Variants in HIKESHI observed in about 807,000 individuals in gnomAD.
HIKESHI encodes the protein heat shock protein nuclear import factor hikeshi, also known as protein Hikeshi.
Under a neutral mutation model 25.7 loss-of-function variants are expected in HIKESHI, and 13 were observed. That is an observed-to-expected ratio of 0.51 (90% CI 0.33 to 0.80). HIKESHI has a LOEUF of 0.80. HIKESHI is among the 30% of genes least tolerant of loss of function. The pLI, the probability that HIKESHI is intolerant of heterozygous loss-of-function variation, is 0.02. For synonymous variants in HIKESHI, 76 were observed against 78.7 expected, an observed-to-expected ratio of 0.97 and a Z score of 0.18; for missense variants, 174 against 229.5, an observed-to-expected ratio of 0.76 and a Z score of 1.56.
intron 1 of HIKESHI, among the ~76,000 whole-genome samples, chr11:86,304,876 CAGCA>C (rs1395556813): frequency 7.9e-5 from 12 of 152,126 alleles, no homozygotes; most frequent in African/African-American, 2.9e-4. Context: ...TGCAGAAATG[CAGCA>C]AGCATTGATT....
At chr11:86,303,406 TGTCTCTTGAATGACTGGGA>T in intron 1 of HIKESHI, 1 of 984,240 alleles carries the variant, frequency 1.0e-6, no homozygotes, top group Non-Finnish European at 1.2e-6. Context: ...TCATAAAGTT[TGTCTCTTGAATGACTGGGA>T]GACCCCTGTG....
intron 2 of HIKESHI, among the ~76,000 whole-genome samples, chr11:86,323,162 C>T (rs541440770): frequency 6.6e-6 from 1 of 151,666 alleles, no homozygotes; most frequent in East Asian, 1.9e-4. Flanking sequence ...GCCCAGGAGG[C>T]AGAGGTTACA....
chr11:86,315,196 A>G (rs1417039972), intron 2 of HIKESHI, among the ~76,000 whole-genome samples: 1 of 152,374 alleles, frequency 6.6e-6, no homozygotes, highest in East Asian at 1.9e-4. Flanking sequence ...AAAGTAATAA[A>G]GCAGCGAGAG....
chr11:86,334,987 G>A (rs1270637608), intron 2 of HIKESHI, among the ~76,000 whole-genome samples: 3 of 152,176 alleles, frequency 2.0e-5, no homozygotes, highest in Admixed American at 1.3e-4. Context: ...AAAGCTTGTA[G>A]CAATCAGGGG....
intron 3 of HIKESHI, among the ~76,000 whole-genome samples, chr11:86,339,841 A>T (rs1947673293): frequency 6.6e-6 from 1 of 151,994 alleles, no homozygotes; most frequent in African/African-American, 2.4e-5. Context: ...GGTGTGCTGC[A>T]CCTATTAACT....
chr11:86,319,217 A>AAAAT (rs1210541444), intron 2 of HIKESHI, among the ~76,000 whole-genome samples: 1 of 115,072 alleles, frequency 8.7e-6, no homozygotes, highest in Non-Finnish European at 1.7e-5. Context: ...CTGGCTTAAA[A>AAAAT]ATATATATAT....
At chr11:86,310,842 C>T (rs938467099) in intron 2 of HIKESHI, among the ~76,000 whole-genome samples, 4 of 152,100 alleles carry the variant, frequency 2.6e-5, no homozygotes, top group African/African-American at 4.8e-5. Context: ...GTCTTTGGTT[C>T]TGTTTATATG....
At position 86,302,391 on chromosome 11, in the gene HIKESHI, C is replaced by T; in HGVS notation, c.-58C>T. On this transcript the variant is annotated 5_prime_UTR_variant, in exon 1 of 5. Coordinates refer to ENST00000278483, the MANE Select transcript of HIKESHI (RefSeq NM_016401.4). Reference sequence around the variant, plus strand: ...CTTAGTCTCGACTAGGGCAGTAGCCCCAGGACTCCTAGTCGCCGGCTTCAG... The same window carrying T: ...CTTAGTCTCGACTAGGGCAGTAGCCTCAGGACTCCTAGTCGCCGGCTTCAG... 1 of 1,549,926 alleles carries T rather than the reference C, an allele frequency of 6.5e-7. No homozygotes were observed. Among genetic ancestry groups the T allele is most frequent in the Non-Finnish European group, 8.7e-7 (1 of 1,146,198 alleles).
At chr11:86,329,196 A>G (rs1297478588) in intron 2 of HIKESHI, among the ~76,000 whole-genome samples, 2 of 151,958 alleles carry the variant, frequency 1.3e-5, no homozygotes, top group African/African-American at 2.4e-5. Context: ...AGTTAAAAAA[A>G]AAAAAGCTTT....
Position 86,302,415 on chromosome 11 carries a change from A to G in HIKESHI, c.-34A>G, listed in dbSNP as rs2138270806. ...CCCAGGACTCCTAGTCGCCGGCTTC[A>G]GGTCACTGCCGGCTGAACGGAGCTG... is the stretch of plus-strand genomic sequence containing the variant. On this transcript the variant is annotated 5_prime_UTR_variant, in exon 1 of 5. Coordinates refer to ENST00000278483, the MANE Select transcript of HIKESHI (RefSeq NM_016401.4). The G allele has an allele frequency of 6.4e-7, 1 of 1,551,480 alleles. No individual in the cohort carries two copies. The highest frequency in any genetic ancestry group is 8.7e-7 in the Non-Finnish European group (1 of 1,147,020).
chr11:86,345,360 T>C, intron 4 of HIKESHI: 2 of 409,386 alleles, frequency 4.9e-6, no homozygotes, highest in Non-Finnish European at 8.5e-6. Context: ...TTTCTTATGA[T>C]TTGTGCTCTC....
intron 2 of HIKESHI, chr11:86,324,354 A>T (rs1345157309): frequency 1.3e-5 from 2 of 152,230 alleles, no homozygotes; most frequent in East Asian, 3.8e-4. Context: ...CATTTCCATT[A>T]TAACAAGACT....
At chr11:86,302,544 G>A (rs1946524106) in intron 1 of HIKESHI, 66 bp downstream of exon 1, 1 of 1,525,886 alleles carries the variant, frequency 6.6e-7, no homozygotes, top group African/African-American at 1.4e-5. Context: ...CTACGGCAGG[G>A]AGGGTGCGCA....
chr11:86,307,046 A>G (rs923640562), intron 2 of HIKESHI, among the ~76,000 whole-genome samples: 22 of 144,366 alleles, frequency 1.5e-4, no homozygotes, highest in Admixed American at 7.1e-5. Flanking sequence ...TATATTATGT[A>G]TCAAATATAT....
chr11:86,336,972 T>C (rs1168154228), intron 2 of HIKESHI, among the ~76,000 whole-genome samples: 2 of 151,726 alleles, frequency 1.3e-5, no homozygotes, highest in Admixed American at 1.3e-4. Context: ...CCAGGAATTA[T>C]ATACTCAGCA....
rs186684486 is a variant in HIKESHI, at chr11:86,303,448, A to G, written c.30+970A>G. On this transcript the variant is annotated intron_variant, in intron 1 of 4. Coordinates refer to ENST00000278483, the MANE Select transcript of HIKESHI (RefSeq NM_016401.4). Reference sequence around the variant, plus strand: ...GGAGACCCCTGTGGTGATGGTGGTAATTCATAATCCTGGTGAGATAATTTT... The same window carrying G: ...GGAGACCCCTGTGGTGATGGTGGTAGTTCATAATCCTGGTGAGATAATTTT... 1.3e-3 allele frequency: 1,268 copies of G among 976,054 alleles called. 10 individuals carry two copies. In the African/African-American group the frequency reaches 0.021, roughly 16 times the overall value. The allele number at this position is 976,054 out of a possible 1,614,324, so 60.5% of individuals were successfully genotyped here.
At chr11:86,336,951 A>AG (rs1327453324) in intron 2 of HIKESHI, among the ~76,000 whole-genome samples, 1 of 152,150 alleles carries the variant, frequency 6.6e-6, no homozygotes, top group Non-Finnish European at 1.5e-5. Context: ...GAAAAAAAAA[A>AG]AAGCCATCAA....
intron 2 of HIKESHI, among the ~76,000 whole-genome samples, chr11:86,318,990 C>T (rs1947072390): frequency 6.6e-6 from 1 of 152,056 alleles, no homozygotes; most frequent in African/African-American, 2.4e-5. Context: ...CATTATAGCT[C>T]ACTATAGCTT....
At position 86,345,905 on chromosome 11, in the gene HIKESHI, TA is replaced by T. The variant is rs1449863970; in HGVS notation, c.*272del. 1 of 230,902 alleles carries T rather than the reference TA, an allele frequency of 4.3e-6. No individual in the cohort carries two copies. The highest frequency in any genetic ancestry group is 9.3e-5 in the East Asian group (1 of 10,800). The allele number at this position is 230,902 out of a possible 1,614,324, so 14.3% of individuals were successfully genotyped here. ...TTGGCTATGATTCATTTTTTTTACT[TA>T]AAAATAAAACCTATACCAAACAGTA... On this transcript the variant is annotated 3_prime_UTR_variant, in exon 5 of 5. Coordinates refer to ENST00000278483, the MANE Select transcript of HIKESHI (RefSeq NM_016401.4).
Sources: gnomAD v4.1 joint callset for allele counts (sites outside exome capture counted in the v4.1 genomes callset) on GRCh38, gnomAD v4.1.1 for gene constraint, MANE v1.5 for transcripts, NCBI Gene and HGNC (gene_info 2026-07-23, HGNC 2026-07-21) for gene names.